The following SLC24A3 variants were observed in gnomAD, a reference collection of about 807,000 sequenced individuals.
SLC24A3 encodes sodium/potassium/calcium exchanger 3.
SLC24A3 carries 28 observed loss-of-function variants against 75.8 expected under a neutral mutation model. The ratio of observed to expected loss-of-function variants is 0.37; its 90% CI spans 0.27 to 0.51. The LOEUF is 0.51. SLC24A3 is among the 20% of genes least tolerant of loss of function. The pLI, the probability that SLC24A3 is intolerant of heterozygous loss-of-function variation, is 0.94. For synonymous variants in SLC24A3, 372 were observed against 334.1 expected (o/e 1.11, Z -1.24); for missense variants, 663 against 847.8 (o/e 0.78, Z 2.71).
Position 19,371,999 on chromosome 20 carries a change from C to A in SLC24A3, c.271+90912C>A, listed in dbSNP as rs191203757. On this transcript the variant is annotated intron_variant, in intron 2 of 16. Transcript: ENST00000328041. ...AAATCCCTATGCCATCATCCCCAGA[C>A]CAGACCCAGGGCTTCTATATCATAG... Among the ~76,000 whole-genome samples, 7 of 152,282 alleles carry A rather than the reference C, an allele frequency of 4.6e-5. No individual in the cohort carries two copies. The East Asian group carries it at 9.7e-4, about 21-fold the overall frequency.
chr20:19,457,507 G>C (rs1987599356), intron 2 of SLC24A3, among the ~76,000 whole-genome samples: 1 of 152,114 alleles, frequency 6.6e-6, no homozygotes. Context: ...TTATTCTACT[G>C]AATAGAAAAA....
chr20:19,458,191 A>G (rs1260713871), intron 2 of SLC24A3, among the ~76,000 whole-genome samples: 2 of 152,126 alleles, frequency 1.3e-5, no homozygotes. Flanking sequence ...ATGCACACAC[A>G]CACACACGTA....
At chr20:19,568,246 A>C (rs1481516147) in intron 3 of SLC24A3, among the ~76,000 whole-genome samples, 2 of 152,206 alleles carry the variant, frequency 1.3e-5, no homozygotes, top group Non-Finnish European at 2.9e-5. Context: ...AAATGATTTA[A>C]AACAGAATTA....
rs1234456282 is a variant in SLC24A3, at chr20:19,250,543, C to T, written c.143-30416C>T. Among the ~76,000 whole-genome samples the T allele has an allele frequency of 2.6e-5, 4 of 152,104 alleles. No individual in the cohort carries two copies. In the East Asian group the frequency reaches 7.7e-4, roughly 29 times the overall value. On this transcript the variant is annotated intron_variant, in intron 1 of 16. Transcript: ENST00000328041. ...AATTACCATACTCTGAAGGGTGTGC[C>T]AAAGAATCAGATGTCTTTGCCTGGA...
intron 2 of SLC24A3, among the ~76,000 whole-genome samples, chr20:19,300,937 G>T (rs1203919020): frequency 6.6e-6 from 1 of 152,176 alleles, no homozygotes; most frequent in Admixed American, 6.5e-5. Flanking sequence ...GGTGGCAGCT[G>T]CCGGGAACAG....
chr20:19,718,472 C>T (rs1222741162), intron 16 of SLC24A3, among the ~76,000 whole-genome samples: 5 of 152,216 alleles, frequency 3.3e-5, no homozygotes, highest in African/African-American at 9.6e-5. Flanking sequence ...ATTTGGAGCT[C>T]ATCATGCCCC....
intron 2 of SLC24A3, among the ~76,000 whole-genome samples, chr20:19,379,137 T>C (rs1260016732): frequency 1.3e-5 from 2 of 152,128 alleles, no homozygotes; most frequent in Admixed American, 1.3e-4. Context: ...GGTAAAAATG[T>C]GCTCTACGGA....
chr20:19,530,363 CTT>C (rs2030274439), intron 3 of SLC24A3, among the ~76,000 whole-genome samples: 2 of 152,182 alleles, frequency 1.3e-5, no homozygotes, highest in Non-Finnish European at 2.9e-5. Context: ...GCCTCTCTCT[CTT>C]TGTCTTTTGG....
intron 3 of SLC24A3, among the ~76,000 whole-genome samples, chr20:19,557,543 T>C (rs916618273): frequency 1.3e-5 from 2 of 152,204 alleles, no homozygotes; most frequent in African/African-American, 4.8e-5. Flanking sequence ...GTGTGGGGAA[T>C]ATTCAGCTCC....
rs578009061 is a variant in SLC24A3 at position 19,626,796 on chromosome 20, C to A, written c.613-27266C>A. On this transcript the variant is annotated intron_variant, in intron 6 of 16. Transcript: ENST00000328041. ...ATTTGTTTTCATGATCTTAGTCCCC[C>A]AGTTCTACTGAAAAGGCCTTGGGTA... Among the ~76,000 whole-genome samples the A allele has an allele frequency of 2.0e-5, 3 of 152,324 alleles. No homozygotes were observed. The South Asian group carries it at 6.2e-4, about 32-fold the overall frequency.
intron 2 of SLC24A3, among the ~76,000 whole-genome samples, chr20:19,438,403 A>G (rs113379778): frequency 5.3e-5 from 8 of 152,198 alleles, no homozygotes; most frequent in African/African-American, 1.9e-4. Flanking sequence ...TCACCTGCTT[A>G]GGGGGTGGTA....
intron 2 of SLC24A3, among the ~76,000 whole-genome samples, chr20:19,380,498 C>T (rs1986162500): frequency 6.6e-6 from 1 of 152,170 alleles, no homozygotes; most frequent in Non-Finnish European, 1.5e-5. Context: ...AAAGGTCTCT[C>T]TGGCTGCTGA....
chr20:19,704,888 A>G (rs958052401), intron 15 of SLC24A3, among the ~76,000 whole-genome samples: 2 of 152,252 alleles, frequency 1.3e-5, no homozygotes, highest in Admixed American at 1.3e-4. Flanking sequence ...GCTAAATCCA[A>G]TATAGTTCTT....
intron 6 of SLC24A3, among the ~76,000 whole-genome samples, chr20:19,595,427 C>T (rs1186466325): frequency 6.6e-6 from 1 of 152,146 alleles, no homozygotes; most frequent in East Asian, 1.9e-4. Context: ...TCACAGGGCC[C>T]TTCAGCTGGC....
intron 3 of SLC24A3, among the ~76,000 whole-genome samples, chr20:19,522,746 C>A (rs2030125168): frequency 6.6e-6 from 1 of 151,160 alleles, no homozygotes; most frequent in Admixed American, 6.6e-5. Context: ...ACTGGTGTTG[C>A]TGCCATGCCC....
At chr20:19,552,231 ACT>A (rs1215505230) in intron 3 of SLC24A3, among the ~76,000 whole-genome samples, 1 of 151,704 alleles carries the variant, frequency 6.6e-6, no homozygotes, top group African/African-American at 2.4e-5. Flanking sequence ...TTCTTCTAAG[ACT>A]CTCTCTCCAG....
intron 1 of SLC24A3, among the ~76,000 whole-genome samples, chr20:19,252,127 T>C (rs981043787): frequency 6.6e-6 from 1 of 152,180 alleles, no homozygotes; most frequent in Non-Finnish European, 1.5e-5. Context: ...GAGTGTTGTG[T>C]GTAGCTCTTA....
chr20:19,419,823 T>G (rs1345056211), intron 2 of SLC24A3, among the ~76,000 whole-genome samples: 2 of 92,382 alleles, frequency 2.2e-5, no homozygotes, highest in Non-Finnish European at 3.9e-5. Flanking sequence ...GACAGCCAAG[T>G]TTTTTTTTTT....
At chr20:19,621,765 C>T (rs1019123167) in intron 6 of SLC24A3, among the ~76,000 whole-genome samples, 26 of 152,318 alleles carry the variant, frequency 1.7e-4, no homozygotes, top group African/African-American at 6.0e-4. Context: ...AAAGAACAAC[C>T]TGTTGGACGT....
Sources: gnomAD v4.1 joint callset for allele counts (sites outside exome capture counted in the v4.1 genomes callset) on GRCh38, gnomAD v4.1.1 for gene constraint, MANE v1.5 for transcripts, NCBI Gene and HGNC (gene_info 2026-07-23, HGNC 2026-07-21) for gene names.